The following MYCBP2 variants were observed in gnomAD, a reference collection of about 807,000 sequenced individuals.
The protein encoded by MYCBP2 is E3 ubiquitin-protein ligase MYCBP2.
Under a neutral mutation model 525.3 loss-of-function variants are expected in MYCBP2, and 120 were observed. The observed-to-expected ratio is 0.23, with a 90% confidence interval of 0.20 to 0.27. MYCBP2 has a LOEUF of 0.27. Ranked by LOEUF, MYCBP2 falls within the 10% of genes least tolerant of loss-of-function variation. The pLI, the probability that MYCBP2 is intolerant of heterozygous loss-of-function variation, is 1.00. For missense variants in MYCBP2, 4,149 were observed against 5,657.1 expected, an observed-to-expected ratio of 0.73 and a Z score of 8.55; for synonymous variants, 1,894 against 1,955.8, an observed-to-expected ratio of 0.97 and a Z score of 0.83.
At position 77,188,997 on chromosome 13, in the gene MYCBP2, T is replaced by A; in HGVS notation, c.4205A>T (p.Glu1402Val). 1 of 1,611,766 alleles carries A rather than the reference T, an allele frequency of 6.2e-7. No homozygotes were observed. Among genetic ancestry groups the A allele is most frequent in the South Asian group, 1.1e-5 (1 of 90,808 alleles). The stretch of plus-strand genomic sequence containing the variant: ...AGACCTCTTTAAAATGTGTACAGGT[T>A]CACTGGTTTGCTGTTTGCCTTTTGA... ...SASKGKQQTS[E>V]PVHILKRSFA... The change falls in exon 30 of 83, where the codon GAA becomes GTA. Residue 1402 changes from glutamate to valine, a missense_variant. Around this residue, in one of 21 missense-constraint regions of MYCBP2, gnomAD observed 292 missense variants for 330.5 expected, o/e 0.88. Transcript: ENST00000544440.
chr13:77,045,910 A>C (rs750183676), intron 82 of MYCBP2, among the ~76,000 whole-genome samples: 2 of 152,202 alleles, frequency 1.3e-5, no homozygotes, highest in Non-Finnish European at 2.9e-5. Flanking sequence ...TTTTTCTATA[A>C]GTAAAAACAT....
intron 70 of MYCBP2, among the ~76,000 whole-genome samples, chr13:77,068,259 GA>G (rs888318899): frequency 6.6e-6 from 1 of 151,448 alleles, no homozygotes; most frequent in South Asian, 2.1e-4. Flanking sequence ...AAGGCAGCAC[GA>G]AAAAAAATAC....
intron 45 of MYCBP2, 23 bp downstream of exon 45, chr13:77,157,910 AAAGT>A: frequency 1.3e-6 from 2 of 1,570,342 alleles, no homozygotes; most frequent in Non-Finnish European, 1.7e-6. Context: ...GCCCTAAAAT[AAAGT>A]AAGTAACTTA....
intron 15 of MYCBP2, among the ~76,000 whole-genome samples, chr13:77,247,033 T>C (rs548068811): frequency 7.9e-5 from 12 of 152,258 alleles, no homozygotes; most frequent in African/African-American, 2.9e-4. Context: ...ACTGAAAGCT[T>C]TTCCTCGTAA....
In MYCBP2 at chr13:77,125,321, T is replaced by G; in HGVS notation, c.8017+15A>C. The G allele has an allele frequency of 6.2e-7, 1 of 1,613,318 alleles. No homozygotes were observed. The highest frequency in any genetic ancestry group is 8.5e-7 in the Non-Finnish European group (1 of 1,179,488). On this transcript the variant is annotated intron_variant, in intron 54 of 82. Transcript: ENST00000544440. The stretch of plus-strand genomic sequence containing the variant: ...AAGCTTAATTGGAATAAATCACAAA[T>G]TTAAGCCAACTTGCCATCTTCATGT...
chr13:77,153,887 G>T (rs1264623903), intron 46 of MYCBP2, among the ~76,000 whole-genome samples: 2 of 152,084 alleles, frequency 1.3e-5, no homozygotes, highest in African/African-American at 4.8e-5. Context: ...CCAGGAAATT[G>T]ACATTGGTAC....
intron 57 of MYCBP2, 104 bp from the exon 58 acceptor site, chr13:77,095,706 G>A: frequency 1.5e-6 from 2 of 1,309,144 alleles, no homozygotes. Flanking sequence ...TTAAACACTT[G>A]TAAAGCTATT....
At position 77,250,656 on chromosome 13, in the gene MYCBP2, G is replaced by A. The variant is rs892619159; in HGVS notation, c.2381+495C>T. 2.0e-5 allele frequency among the ~76,000 whole-genome samples: 3 copies of A among 152,118 alleles called. No homozygotes were observed. The South Asian group carries it at 6.2e-4, about 32-fold the overall frequency. ...AAAAATGTGGTCCATTGAGAACAAG[G>A]ATAAATATAGCAGGTATGATGTAAC... On this transcript the variant is annotated intron_variant, in intron 15 of 82. Transcript: ENST00000544440.
intron 3 of MYCBP2, among the ~76,000 whole-genome samples, chr13:77,280,835 ACACTGTGAGAGTCT>A (rs1202504086): frequency 1.3e-5 from 2 of 152,210 alleles, no homozygotes; most frequent in East Asian, 3.8e-4. Flanking sequence ...TCTGGGTTAA[ACACTGTGAGAGTCT>A]CACTAATTAT....
intron 80 of MYCBP2, among the ~76,000 whole-genome samples, chr13:77,054,189 G>A (rs1225806942): frequency 1.3e-5 from 2 of 152,130 alleles, no homozygotes; most frequent in Non-Finnish European, 2.9e-5. Context: ...GGGGGAGGTA[G>A]AGAAGAGCAT....
chr13:77,052,869 C>G (rs999189536), intron 80 of MYCBP2, among the ~76,000 whole-genome samples: 2 of 152,174 alleles, frequency 1.3e-5, no homozygotes, highest in African/African-American at 4.8e-5. Context: ...TGGCTCACAC[C>G]TGTAATCCCA....
Position 77,227,841 on chromosome 13 carries a change from G to A in MYCBP2, c.2738-2287C>T, listed in dbSNP as rs1566980041. On this transcript the variant is annotated intron_variant, in intron 18 of 82. Coordinates refer to ENST00000544440, the MANE Select transcript of MYCBP2 (RefSeq NM_015057.5). ...GGAAGGAGATTATTTTTAAAGGTTG[G>A]TAATTTAGTGAATACAACCACAATG... Among the ~76,000 whole-genome samples, 4 of 152,218 alleles carry A rather than the reference G, an allele frequency of 2.6e-5. No homozygotes were observed. In the South Asian group the frequency reaches 8.3e-4, roughly 32 times the overall value.
chr13:77,285,147 A>C (rs770121935), intron 3 of MYCBP2, among the ~76,000 whole-genome samples: 4 of 152,164 alleles, frequency 2.6e-5, no homozygotes, highest in Non-Finnish European at 4.4e-5. Context: ...GTTTTTAAAC[A>C]CCCTAGGAAT....
intron 4 of MYCBP2, among the ~76,000 whole-genome samples, chr13:77,274,320 T>C (rs1409041599): frequency 6.6e-6 from 1 of 152,194 alleles, no homozygotes. Context: ...AGCAGAGGTC[T>C]CTGCACAAAA....
At chr13:77,251,712 T>A (rs918582039) in intron 14 of MYCBP2, among the ~76,000 whole-genome samples, 15 of 152,040 alleles carry the variant, frequency 9.9e-5, no homozygotes, top group Non-Finnish European at 1.5e-5. Context: ...AGTTCCCCAC[T>A]CTAGATCATC....
chr13:77,096,559 T>C, intron 56 of MYCBP2, 78 bp from the exon 57 acceptor site: 1 of 1,453,598 alleles, frequency 6.9e-7, no homozygotes, highest in African/African-American at 1.4e-5. Context: ...CATACATTAA[T>C]GACAGATTTA....
chr13:77,117,804 A>G (rs2050034757), intron 55 of MYCBP2, among the ~76,000 whole-genome samples: 1 of 152,182 alleles, frequency 6.6e-6, no homozygotes, highest in East Asian at 1.9e-4. Flanking sequence ...TTTCCAAACC[A>G]ATGTGAATTA....
chr13:77,239,420 C>T (rs776800439), intron 17 of MYCBP2, among the ~76,000 whole-genome samples: 2 of 152,154 alleles, frequency 1.3e-5, no homozygotes. Context: ...AAAGCCACTA[C>T]AATCTTTTCT....
At chr13:77,056,608 T>C (rs2038123871) in intron 79 of MYCBP2, among the ~76,000 whole-genome samples, 1 of 152,194 alleles carries the variant, frequency 6.6e-6, no homozygotes, top group Non-Finnish European at 1.5e-5. Context: ...CCAATTTCAC[T>C]CTTTAATGGC....
Sources: gnomAD v4.1 joint callset for allele counts (sites outside exome capture counted in the v4.1 genomes callset) on GRCh38, gnomAD v4.1.1 for gene constraint, gnomAD v4.1.1 regional missense constraint, MANE v1.5 for transcripts, NCBI Gene and HGNC (gene_info 2026-07-23, HGNC 2026-07-21) for gene names.